The following SLC68A1 variants were observed in gnomAD, a reference collection of about 807,000 sequenced individuals.
The protein encoded by SLC68A1 is solute carrier family 68 member 1.
At chr10:102,470,049 C>G in the SLC68A1 span, 1 of 1,614,068 alleles carries the variant, frequency 6.2e-7, no homozygotes, top group Non-Finnish European at 8.5e-7. Flanking sequence ...GGCTCAGTGA[C>G]CGGCAGTTCC....
At chr10:102,468,148 G>A in the SLC68A1 span, 1 of 152,180 alleles carries the variant, frequency 6.6e-6, no homozygotes, top group Non-Finnish European at 1.5e-5. Context: ...TCATTTAAAG[G>A]GACCACATTC....
the SLC68A1 span, among the ~76,000 whole-genome samples, chr10:102,468,050 T>G: frequency 9.0e-3 from 1,370 of 151,690 alleles, 19 homozygotes; most frequent in African/African-American, 0.031. Flanking sequence ...AAAAAATGCC[T>G]GTCCTCACCT....
At chr10:102,470,337 C>A in the SLC68A1 span, among the ~76,000 whole-genome samples, 1 of 152,136 alleles carries the variant, frequency 6.6e-6, no homozygotes, top group Non-Finnish European at 1.5e-5. Flanking sequence ...ACTGCAAACA[C>A]CCTCTGCTGC....
chr10:102,471,037 G>T, the SLC68A1 span: 2 of 1,613,550 alleles, frequency 1.2e-6, no homozygotes, highest in Non-Finnish European at 1.7e-6. Context: ...TGGGCTTTCT[G>T]GGGGCCACAC....
At chr10:102,477,045 A>G in the SLC68A1 span, 1 of 985,470 alleles carries the variant, frequency 1.0e-6, no homozygotes, top group Non-Finnish European at 1.2e-6. Context: ...TTTTTCCTCA[A>G]GTCTGTGCTG....
chr10:102,473,784 C>T, the SLC68A1 span: 4 of 1,606,142 alleles, frequency 2.5e-6, no homozygotes, highest in Non-Finnish European at 2.6e-6. Flanking sequence ...CCATCCCATG[C>T]CTTCATTCCT....
chr10:102,470,707 G>A, the SLC68A1 span: 5 of 1,612,748 alleles, frequency 3.1e-6, no homozygotes, highest in East Asian at 1.1e-4. Context: ...TGCTGGCCCG[G>A]GTGCAGGCCC....
the SLC68A1 span, among the ~76,000 whole-genome samples, chr10:102,472,453 G>A: frequency 6.6e-6 from 1 of 151,990 alleles, no homozygotes; most frequent in East Asian, 1.9e-4. Context: ...TAGTAGAGAC[G>A]GGGTTTCGCC....
chr10:102,470,019 C>T, the SLC68A1 span: 2 of 1,614,076 alleles, frequency 1.2e-6, no homozygotes, highest in South Asian at 2.2e-5. Flanking sequence ...GGAACAGCCT[C>T]AATGACCCCC....
the SLC68A1 span, chr10:102,468,965 G>A: frequency 4.8e-6 from 7 of 1,456,332 alleles, no homozygotes; most frequent in Non-Finnish European, 6.5e-6. Flanking sequence ...GGACGAGGAT[G>A]GGAAGACCGC....
At chr10:102,470,096 T>G in the SLC68A1 span, 1 of 1,609,682 alleles carries the variant, frequency 6.2e-7, no homozygotes, top group Non-Finnish European at 8.5e-7. Flanking sequence ...TGGGAACAGC[T>G]CGTAATTGGT....
the SLC68A1 span, chr10:102,469,807 A>G: frequency 1.0e-6 from 1 of 983,236 alleles, no homozygotes; most frequent in Non-Finnish European, 1.2e-6. Context: ...TCGGCCTCCC[A>G]AAGTGCTGGT....
chr10:102,470,522 TG>T, the SLC68A1 span: 1 of 1,340,080 alleles, frequency 7.5e-7, no homozygotes. Flanking sequence ...AGTTGCAGAC[TG>T]GGGACTTAGG....
chr10:102,470,084 A>G, the SLC68A1 span: 2 of 1,612,940 alleles, frequency 1.2e-6, no homozygotes, highest in African/African-American at 2.7e-5. Flanking sequence ...CGGTTGGTGT[A>G]TTGGGAACAG....
the SLC68A1 span, chr10:102,476,229 G>A: frequency 1.7e-5 from 9 of 521,188 alleles, no homozygotes; most frequent in East Asian, 1.8e-4. Flanking sequence ...CACCATGCCC[G>A]GCTACTTTTT....
the SLC68A1 span, among the ~76,000 whole-genome samples, chr10:102,474,387 A>G: frequency 1.4e-4 from 21 of 152,260 alleles, no homozygotes; most frequent in African/African-American, 4.8e-4. Flanking sequence ...TGGTGAAATT[A>G]AGGTGATGTG....
At chr10:102,465,323 A>G in the SLC68A1 span, among the ~76,000 whole-genome samples, 2 of 147,876 alleles carry the variant, frequency 1.4e-5, no homozygotes, top group African/African-American at 5.0e-5. Context: ...TACTGAGGAG[A>G]CTGAGGAAGG....
At chr10:102,471,415 G>T in the SLC68A1 span, 2 of 1,604,744 alleles carry the variant, frequency 1.2e-6, no homozygotes, top group South Asian at 1.1e-5. Flanking sequence ...AGCAGCTCCC[G>T]GCCCCTCTAC....
the SLC68A1 span, among the ~76,000 whole-genome samples, chr10:102,461,670 C>A: frequency 2.0e-5 from 3 of 151,994 alleles, no homozygotes; most frequent in African/African-American, 4.8e-5. Flanking sequence ...GTGGAATCCT[C>A]GCAGAAAGGC....
Sources: allele counts gnomAD v4.1 joint callset (sites outside exome capture counted in the v4.1 genomes callset), GRCh38; gene constraint gnomAD v4.1.1; transcripts MANE v1.5; gene names NCBI Gene and HGNC (gene_info 2026-07-23, HGNC 2026-07-21).